Variants in ST6GAL2 observed in about 807,000 individuals in gnomAD.
ST6GAL2 encodes the protein ST6 beta-galactoside alpha-2,6-sialyltransferase 2, also known as beta-galactoside alpha-2,6-sialyltransferase 2.
A neutral mutation model predicts 37.5 loss-of-function variants in ST6GAL2; 24 were observed. The observed-to-expected ratio is 0.64, with a 90% confidence interval of 0.46 to 0.90. ST6GAL2 has a LOEUF of 0.90. Among genes scored for constraint, ST6GAL2 ranks in the 40% least tolerant of loss-of-function variants. The pLI is 0.00. For missense variants in ST6GAL2, 715 were observed against 712.7 expected (o/e 1.00, Z -0.04); for synonymous variants, 306 against 295.1 (o/e 1.04, Z -0.38).
At position 106,830,115 on chromosome 2, in the gene ST6GAL2, C is replaced by G; in HGVS notation, c.1269G>C (p.Glu423Asp). 6.2e-7 allele frequency: 1 copy of G among 1,614,036 alleles called. No individual in the cohort carries two copies. The highest frequency in any genetic ancestry group is 8.5e-7 in the Non-Finnish European group (1 of 1,180,010). Residue 423 changes from glutamate (E) to aspartate (D), a missense_variant, in exon 5 of 6, where the codon GAG (glutamate) becomes GAC (aspartate). By Grantham distance (45) the Glu-to-Asp change is conservative. Around this residue, in one of 3 missense-constraint regions of ST6GAL2, gnomAD observed 198 missense variants for 203.6 expected, o/e 0.97. Coordinates refer to ENST00000409382, the MANE Select transcript of ST6GAL2 (RefSeq NM_001142351.2). ...FIWQLWDIIQENTKEKIQPNP... is the reference protein window; with the variant it reads ...FIWQLWDIIQDNTKEKIQPNP... ...TTGGTTGAATCTTCTCTTTAGTGTTCTCCTGGATAATATCCCAGAGCTGCC... is the reference window on the plus strand; with the variant it reads ...TTGGTTGAATCTTCTCTTTAGTGTTGTCCTGGATAATATCCCAGAGCTGCC...
chr2:106,855,244 A>G (rs915575321), intron 1 of ST6GAL2, among the ~76,000 whole-genome samples: 32 of 152,250 alleles, frequency 2.1e-4, no homozygotes, highest in African/African-American at 7.2e-4. Context: ...GGCCTCTCAC[A>G]AGAACCCAGG....
At chr2:106,871,690 G>T (rs1678278160) in intron 1 of ST6GAL2, among the ~76,000 whole-genome samples, 2 of 152,118 alleles carry the variant, frequency 1.3e-5, no homozygotes, top group Non-Finnish European at 2.9e-5. Context: ...CAGGGTCATG[G>T]TCATCAACAT....
intron 1 of ST6GAL2, among the ~76,000 whole-genome samples, chr2:106,850,124 T>C (rs537480030): frequency 6.6e-5 from 10 of 152,276 alleles, no homozygotes; most frequent in Admixed American, 1.3e-4. Flanking sequence ...GCCTCCATTA[T>C]ATGAAAACGC....
chr2:106,822,061 G>C (rs1232318211), intron 5 of ST6GAL2, among the ~76,000 whole-genome samples: 3 of 152,094 alleles, frequency 2.0e-5, no homozygotes, highest in Admixed American at 1.3e-4. Context: ...ATACTGAATG[G>C]AGAAAAATTG....
chr2:106,843,998 A>C lies in ST6GAL2; in HGVS notation c.-21T>G. The stretch of plus-strand genomic sequence containing the variant: ...TTCATGGCAGGTCTCTGCGGTCAGC[A>C]CCTTGTGTCTTAATGCAGATGGGTG... On this transcript the variant is annotated 5_prime_UTR_variant, in exon 2 of 6. Transcript: ENST00000409382. The C allele has an allele frequency of 6.5e-7, 1 of 1,538,874 alleles. No homozygotes were observed. The highest frequency in any genetic ancestry group is 8.7e-7 in the Non-Finnish European group (1 of 1,145,818).
intron 1 of ST6GAL2, among the ~76,000 whole-genome samples, chr2:106,870,977 C>G (rs996917543): frequency 1.3e-5 from 2 of 152,122 alleles, no homozygotes; most frequent in Non-Finnish European, 2.9e-5. Context: ...GAGACACATT[C>G]TGAGAAATGC....
At chr2:106,820,627 AT>A (rs1463632681) in intron 5 of ST6GAL2, among the ~76,000 whole-genome samples, 3 of 152,112 alleles carry the variant, frequency 2.0e-5, no homozygotes, top group Non-Finnish European at 4.4e-5. Flanking sequence ...CACAGACCAA[AT>A]GGACCTATAA....
chr2:106,824,619 G>T (rs1676133043), intron 5 of ST6GAL2, among the ~76,000 whole-genome samples: 1 of 152,178 alleles, frequency 6.6e-6, no homozygotes, highest in Non-Finnish European at 1.5e-5. Flanking sequence ...ATGACAGAGT[G>T]AGAGTCCGTC....
chr2:106,818,420 TCTGA>T (rs1675885603), intron 5 of ST6GAL2, among the ~76,000 whole-genome samples: 1 of 152,194 alleles, frequency 6.6e-6, no homozygotes. Flanking sequence ...AGAACAAGTC[TCTGA>T]CTGGCAATCC....
intron 1 of ST6GAL2, among the ~76,000 whole-genome samples, chr2:106,880,989 AT>A (rs911235666): frequency 6.6e-6 from 1 of 151,794 alleles, no homozygotes; most frequent in Non-Finnish European, 1.5e-5. Context: ...TCTTTTATTT[AT>A]TTCTTTATTT....
At chr2:106,844,243 A>G (rs1040562003) in intron 1 of ST6GAL2, among the ~76,000 whole-genome samples, 1 of 151,878 alleles carries the variant, frequency 6.6e-6, no homozygotes, top group African/African-American at 2.4e-5. Flanking sequence ...ACCTCTGCAA[A>G]ACAAGGGATC....
At chr2:106,837,611 G>T (rs995690446) in intron 2 of ST6GAL2, among the ~76,000 whole-genome samples, 5 of 152,174 alleles carry the variant, frequency 3.3e-5, no homozygotes, top group Non-Finnish European at 7.3e-5. Flanking sequence ...GAGGGAATCA[G>T]CCCTAAGCCA....
intron 5 of ST6GAL2, among the ~76,000 whole-genome samples, chr2:106,820,121 A>G (rs1675943011): frequency 6.6e-6 from 1 of 152,146 alleles, no homozygotes; most frequent in Admixed American, 6.5e-5. Context: ...CTTACTTATC[A>G]ATAGTAACAC....
At chr2:106,881,150 T>TA (rs1005221824) in intron 1 of ST6GAL2, among the ~76,000 whole-genome samples, 1 of 152,106 alleles carries the variant, frequency 6.6e-6, no homozygotes, top group African/African-American at 2.4e-5. Flanking sequence ...CACACCTAGC[T>TA]AATTTTTGAA....
chr2:106,886,761 T>C (rs2104682592), upstream of ST6GAL2: 1 of 151,796 alleles, frequency 6.6e-6, no homozygotes, highest in Non-Finnish European at 1.5e-5. Context: ...ACTGGGAAGT[T>C]GGGCTGCCCC....
At chr2:106,837,449 C>T (rs1199160917) in intron 2 of ST6GAL2, among the ~76,000 whole-genome samples, 1 of 152,168 alleles carries the variant, frequency 6.6e-6, no homozygotes, top group Non-Finnish European at 1.5e-5. Flanking sequence ...AGTATACTTA[C>T]CAGAATAGTT....
chr2:106,836,081 A>T (rs1320918606), intron 2 of ST6GAL2, among the ~76,000 whole-genome samples: 1 of 152,004 alleles, frequency 6.6e-6, no homozygotes, highest in Non-Finnish European at 1.5e-5. Flanking sequence ...GTAAAACGGA[A>T]TTTTAAAATG....
chr2:106,880,185 A>C (rs2104653294), intron 1 of ST6GAL2, among the ~76,000 whole-genome samples: 1 of 152,290 alleles, frequency 6.6e-6, no homozygotes, highest in East Asian at 1.9e-4. Context: ...TTTCTTTTAA[A>C]ATAACTCTTA....
chr2:106,862,630 A>C (rs999125786), intron 1 of ST6GAL2, among the ~76,000 whole-genome samples: 9 of 152,244 alleles, frequency 5.9e-5, no homozygotes, highest in African/African-American at 2.2e-4. Flanking sequence ...TGAAGAAAAA[A>C]AAAAAGCATT....
Sources: allele counts gnomAD v4.1 joint callset (sites outside exome capture counted in the v4.1 genomes callset), GRCh38; gene constraint gnomAD v4.1.1; regional missense constraint gnomAD v4.1.1; transcripts MANE v1.5; gene names NCBI Gene and HGNC (gene_info 2026-07-23, HGNC 2026-07-21).